Variants in ACTN1 observed in about 807,000 individuals in gnomAD.
ACTN1 encodes alpha-actinin-1.
Under a neutral mutation model 119.6 loss-of-function variants are expected in ACTN1, and 30 were observed. That is an observed-to-expected ratio of 0.25 (90% CI 0.19 to 0.34). ACTN1 has a LOEUF of 0.34. ACTN1 is among the 10% of genes least tolerant of loss of function. The probability of loss-of-function intolerance (pLI) is 1.00; values close to 1 mark genes in which losing one functional copy is unlikely to be tolerated. For missense variants in ACTN1, 764 were observed against 1,223.4 expected, an observed-to-expected ratio of 0.62 and a Z score of 5.60; for synonymous variants, 429 against 472.6, an observed-to-expected ratio of 0.91 and a Z score of 1.20.
At chr14:68,945,364 G>GT (rs1434782580) in intron 1 of ACTN1, among the ~76,000 whole-genome samples, 1 of 152,082 alleles carries the variant, frequency 6.6e-6, no homozygotes, top group Non-Finnish European at 1.5e-5. Context: ...TGCAGCTGTT[G>GT]TTTCTCCTGA....
At chr14:68,884,048 TG>T in intron 14 of ACTN1, 119 bp downstream of exon 14, 1 of 1,073,360 alleles carries the variant, frequency 9.3e-7, no homozygotes, top group Non-Finnish European at 1.3e-6. Context: ...GCAAAGGTTC[TG>T]GGTCTATAAA....
intron 14 of ACTN1, 34 bp downstream of exon 14, chr14:68,884,134 G>A: frequency 1.3e-6 from 2 of 1,594,310 alleles, no homozygotes; most frequent in Non-Finnish European, 1.7e-6. Context: ...GGCCCCAGGG[G>A]AGCCAGCCTC....
At chr14:68,971,917 T>C (rs900189504) in intron 1 of ACTN1, among the ~76,000 whole-genome samples, 4 of 152,182 alleles carry the variant, frequency 2.6e-5, no homozygotes, top group African/African-American at 9.6e-5. Flanking sequence ...TAGGTCACCT[T>C]TCCCCACGAT....
chr14:68,883,017 G>A lies in ACTN1; in HGVS notation c.1674C>T (p.Leu558=), dbSNP rs748969644. The A allele has an allele frequency of 1.2e-6, 2 of 1,614,248 alleles. No individual in the cohort carries two copies. Among genetic ancestry groups the A allele is most frequent in the South Asian group, 2.2e-5 (2 of 91,090 alleles). The change falls in exon 15 of 22, where the codon CTC becomes CTT. Residue 558 remains leucine (L), a synonymous_variant. Transcript: ENST00000394419. ...TTAHEQFKAT[L]PDADKERLAI... is the part of the protein sequence containing the mutation. ...CCAGGCGCTCCTTGTCGGCATCAGG[G>A]AGGGTGGCCTTGAACTGCTCATGGG...
chr14:68,970,488 C>G (rs1439705849), intron 1 of ACTN1, among the ~76,000 whole-genome samples: 1 of 152,182 alleles, frequency 6.6e-6, no homozygotes, highest in African/African-American at 2.4e-5. Flanking sequence ...TGGTTCAAAG[C>G]CTGTTTGGTT....
intron 7 of ACTN1, among the ~76,000 whole-genome samples, chr14:68,904,349 G>A (rs1377086673): frequency 1.3e-5 from 2 of 152,138 alleles, no homozygotes; most frequent in Non-Finnish European, 2.9e-5. Context: ...GACAACAAGG[G>A]CACATTTCCC....
chr14:68,950,728 ATT>A (rs1566667768), intron 1 of ACTN1, among the ~76,000 whole-genome samples: 1 of 151,760 alleles, frequency 6.6e-6, no homozygotes, highest in East Asian at 1.9e-4. Context: ...CGCCTGGCTA[ATT>A]TTTTGTATTT....
chr14:68,933,715 C>T (rs149310259), intron 1 of ACTN1, among the ~76,000 whole-genome samples: 57 of 151,968 alleles, frequency 3.8e-4, no homozygotes, highest in African/African-American at 1.3e-3. Context: ...GGTGTAGTGG[C>T]TTATGCCTGT....
chr14:68,897,144 C>T (rs2032939644), intron 8 of ACTN1, among the ~76,000 whole-genome samples: 2 of 152,046 alleles, frequency 1.3e-5, no homozygotes, highest in Admixed American at 6.6e-5. Context: ...GCCACTATGT[C>T]TGGCTAATTT....
chr14:68,956,371 C>T (rs1566672087), intron 1 of ACTN1, among the ~76,000 whole-genome samples: 1 of 152,198 alleles, frequency 6.6e-6, no homozygotes, highest in Non-Finnish European at 1.5e-5. Flanking sequence ...TAGCTAAACT[C>T]TTTCCATTCA....
At chr14:68,936,879 AG>A (rs2035549152) in intron 1 of ACTN1, 3 of 577,550 alleles carry the variant, frequency 5.2e-6, no homozygotes, top group South Asian at 2.8e-5. Context: ...CTCTCTGGGA[AG>A]CCCTCAATCC....
intron 1 of ACTN1, among the ~76,000 whole-genome samples, chr14:68,971,428 G>A (rs2036880759): frequency 6.6e-6 from 1 of 152,304 alleles, no homozygotes; most frequent in South Asian, 2.1e-4. Context: ...CCCAGGAGGT[G>A]GACAGTGTTT....
Position 68,892,269 on chromosome 14 carries a change from G to A in ACTN1, c.870C>T (p.Ile290=). 1 of 1,612,862 alleles carries A rather than the reference G, an allele frequency of 6.2e-7. No individual in the cohort carries two copies. The highest frequency in any genetic ancestry group is 8.5e-7 in the Non-Finnish European group (1 of 1,179,146). Residue 290 remains isoleucine, a synonymous_variant, in exon 10 of 22, where the codon ATC becomes ATT. Coordinates refer to ENST00000394419, the MANE Select transcript of ACTN1 (RefSeq NM_001130004.2). ...TCTCCAGCCACGGGATTGTGCGGCG[G>A]ATCCACTCCAACAGCTAGGGTGGGA... ...EKLASDLLEW[I]RRTIPWLENR...
chr14:68,945,808 TC>T (rs2035926320), intron 1 of ACTN1, among the ~76,000 whole-genome samples: 3 of 152,154 alleles, frequency 2.0e-5, no homozygotes, highest in South Asian at 4.1e-4. Context: ...TTCACAGCAG[TC>T]CCCAAAGGTC....
chr14:68,928,613 CAG>C (rs2035047187), intron 1 of ACTN1, among the ~76,000 whole-genome samples: 1 of 152,178 alleles, frequency 6.6e-6, no homozygotes, highest in Admixed American at 6.5e-5. Flanking sequence ...TGCAGTAAAA[CAG>C]GGATAGTAAC....
At position 68,979,149 on chromosome 14, in the gene ACTN1, G is replaced by C; in HGVS notation, c.-93C>G. 1.3e-6 allele frequency: 1 copy of C among 761,574 alleles called. No individual in the cohort carries two copies. The highest frequency in any genetic ancestry group is 2.0e-6 in the Non-Finnish European group (1 of 488,506). The allele number at this position is 761,574 out of a possible 1,614,324, so 47.2% of individuals were successfully genotyped here. A position where few individuals can be genotyped will look rare whatever the true frequency, so the allele number is the denominator to read the frequency against. On this transcript the variant is annotated 5_prime_UTR_variant, in exon 1 of 22. Coordinates refer to ENST00000394419, the MANE Select transcript of ACTN1 (RefSeq NM_001130004.2). ...TGGCGTGGGGAGGGAGTAGGGCTGG[G>C]CTGGGCTGGGCTGGCGGGGCCGGGC...
intron 1 of ACTN1, among the ~76,000 whole-genome samples, chr14:68,932,853 C>T (rs746660990): frequency 3.9e-5 from 6 of 152,146 alleles, no homozygotes; most frequent in Non-Finnish European, 7.4e-5. Flanking sequence ...GGTAACATCG[C>T]CCAACCCCAA....
At chr14:68,957,765 G>A (rs2036397088) in intron 1 of ACTN1, among the ~76,000 whole-genome samples, 1 of 152,102 alleles carries the variant, frequency 6.6e-6, no homozygotes. Context: ...GCATGGGAAG[G>A]GGTCTCCCTG....
intron 1 of ACTN1, among the ~76,000 whole-genome samples, chr14:68,964,580 G>T (rs1031747399): frequency 2.6e-5 from 4 of 152,180 alleles, no homozygotes; most frequent in African/African-American, 9.7e-5. Context: ...TGTGGACTCT[G>T]GCCAGGCAGC....
Sources: allele counts gnomAD v4.1 joint callset (sites outside exome capture counted in the v4.1 genomes callset), GRCh38; gene constraint gnomAD v4.1.1; transcripts MANE v1.5; gene names NCBI Gene and HGNC (gene_info 2026-07-23, HGNC 2026-07-21).